The following RBFOX3 variants were observed in gnomAD, a reference collection of about 807,000 sequenced individuals.
RBFOX3 encodes the protein RNA binding fox-1 homolog 3, also known as RNA binding protein fox-1 homolog 3.
Under a neutral mutation model 48.7 loss-of-function variants are expected in RBFOX3, and 17 were observed. The observed-to-expected ratio is 0.35, with a 90% confidence interval of 0.24 to 0.52. RBFOX3 has a LOEUF of 0.52. Among genes scored for constraint, RBFOX3 ranks in the 20% least tolerant of loss-of-function variants. The probability of loss-of-function intolerance (pLI) is 0.94; values close to 1 mark genes in which losing one functional copy is unlikely to be tolerated. For missense variants in RBFOX3, 382 were observed against 497.5 expected, an observed-to-expected ratio of 0.77 and a Z score of 2.21; for synonymous variants, 212 against 209.5, an observed-to-expected ratio of 1.01 and a Z score of -0.10.
At chr17:79,317,048 A>G (rs2077633133) in intron 2 of RBFOX3, among the ~76,000 whole-genome samples, 2 of 152,284 alleles carry the variant, frequency 1.3e-5, no homozygotes, top group East Asian at 3.9e-4. Flanking sequence ...CAAAGAAAGG[A>G]GCTGACCCTC....
At chr17:79,349,311 G>T (rs1049354064) in intron 2 of RBFOX3, among the ~76,000 whole-genome samples, 9 of 151,864 alleles carry the variant, frequency 5.9e-5, no homozygotes, top group African/African-American at 2.2e-4. Flanking sequence ...CTCACCACTC[G>T]CACTCCTCTG....
chr17:79,286,186 G>A (rs2071831812), intron 3 of RBFOX3, among the ~76,000 whole-genome samples: 1 of 152,176 alleles, frequency 6.6e-6, no homozygotes, highest in South Asian at 2.1e-4. Context: ...GACGTCATGT[G>A]GCTGCCTTGA....
rs541996557 is a variant in RBFOX3 at position 79,267,853 on chromosome 17, G to A, written c.-73-32048C>T. ...GGCGTGTCAACTGGCAAGGTAGAAG[G>A]AGGAGGAGCTAGGAACGCGCAAGGC... is the stretch of plus-strand genomic sequence containing the variant. On this transcript the variant is annotated intron_variant, in intron 3 of 14. Coordinates refer to ENST00000693108, the MANE Select transcript of RBFOX3 (RefSeq NM_001350451.2). 3.3e-5 allele frequency among the ~76,000 whole-genome samples: 5 copies of A among 152,314 alleles called. No homozygotes were observed. In the South Asian group the frequency reaches 1.0e-3, roughly 32 times the overall value.
At chr17:79,611,130 T>TCCC (rs1491548376), upstream of RBFOX3, among the ~76,000 whole-genome samples, 8 of 37,816 alleles carry the variant, frequency 2.1e-4, 1 homozygote, top group Admixed American at 9.8e-4. Flanking sequence ...TCCGCCCTCC[T>TCCC]TCTCTCTCTC....
intron 4 of RBFOX3, among the ~76,000 whole-genome samples, chr17:79,219,781 T>C (rs1430425626): frequency 6.6e-6 from 1 of 151,690 alleles, no homozygotes; most frequent in East Asian, 1.9e-4. Context: ...CTGATTTTGT[T>C]TGGGAAGCGG....
chr17:79,101,490 C>G, intron 9 of RBFOX3, 94 bp downstream of exon 9: 1 of 1,134,564 alleles, frequency 8.8e-7, no homozygotes, highest in Admixed American at 2.0e-5. Context: ...TGCCTAGGAT[C>G]CAGGAAGGTC....
At chr17:79,281,781 C>T (rs1192486706) in intron 3 of RBFOX3, among the ~76,000 whole-genome samples, 1 of 152,214 alleles carries the variant, frequency 6.6e-6, no homozygotes, top group Non-Finnish European at 1.5e-5. Flanking sequence ...AATAAGTAGC[C>T]TTGAGGTTTT....
At chr17:79,496,113 A>C (rs2081496927) in intron 1 of RBFOX3, among the ~76,000 whole-genome samples, 1 of 152,060 alleles carries the variant, frequency 6.6e-6, no homozygotes, top group Non-Finnish European at 1.5e-5. Context: ...GGAGAGAGTC[A>C]GAGTTGGGGA....
intron 4 of RBFOX3, among the ~76,000 whole-genome samples, chr17:79,130,523 T>A (rs1301410523): frequency 1.3e-5 from 2 of 152,216 alleles, no homozygotes; most frequent in African/African-American, 4.8e-5. Flanking sequence ...GTCCCCACCC[T>A]CTTTCTCTCC....
At chr17:79,620,534 C>T in the RBFOX3 span, among the ~76,000 whole-genome samples, 1 of 151,446 alleles carries the variant, frequency 6.6e-6, no homozygotes. Context: ...CATACGCGCA[C>T]ATGCACACAC....
At chr17:79,531,894 G>A (rs1031942262) in intron 1 of RBFOX3, among the ~76,000 whole-genome samples, 2 of 152,194 alleles carry the variant, frequency 1.3e-5, no homozygotes, top group African/African-American at 2.4e-5. Context: ...CCGCCAGGCC[G>A]CTGACCACCC....
chr17:79,597,375 T>G (rs1270450068), intron 1 of RBFOX3, among the ~76,000 whole-genome samples: 1 of 152,020 alleles, frequency 6.6e-6, no homozygotes, highest in Non-Finnish European at 1.5e-5. Flanking sequence ...CCTACAGACT[T>G]GTAGAAGGGC....
intron 3 of RBFOX3, among the ~76,000 whole-genome samples, chr17:79,289,752 C>A (rs1328725722): frequency 1.3e-5 from 2 of 152,244 alleles, no homozygotes; most frequent in Admixed American, 6.5e-5. Context: ...CGTATTTTAT[C>A]TTTATGTGTC....
intron 2 of RBFOX3, among the ~76,000 whole-genome samples, chr17:79,373,386 G>A (rs1029376833): frequency 5.9e-5 from 9 of 152,332 alleles, no homozygotes; most frequent in Admixed American, 2.6e-4. Flanking sequence ...CAGGCACTCG[G>A]GCTGGGCGTG....
intron 13 of RBFOX3, among the ~76,000 whole-genome samples, 197 bp from the exon 14 acceptor site, chr17:79,094,726 A>T (rs1356447993): frequency 7.0e-6 from 1 of 142,654 alleles, no homozygotes; most frequent in Non-Finnish European, 1.5e-5. Flanking sequence ...CTTCTGGAAC[A>T]CAACAGGCAA....
At chr17:79,246,500 G>A (rs1318721947) in intron 3 of RBFOX3, among the ~76,000 whole-genome samples, 5 of 152,208 alleles carry the variant, frequency 3.3e-5, no homozygotes, top group Non-Finnish European at 5.9e-5. Context: ...CGGAGCTGGC[G>A]CTGCACGCCA....
rs997962709 is a variant in RBFOX3 at position 79,364,235 on chromosome 17, T to C, written c.-174-56411A>G. Among the ~76,000 whole-genome samples, 3 of 152,216 alleles carry C rather than the reference T, an allele frequency of 2.0e-5. No individual in the cohort carries two copies. The highest frequency in any genetic ancestry group is 4.4e-5 in the Non-Finnish European group (3 of 68,042). On this transcript the variant is annotated intron_variant, in intron 2 of 14. Transcript: ENST00000693108. The surrounding 1 kb of genome is among the most constrained non-coding windows in gnomAD (Gnocchi z 5.1). The stretch of plus-strand genomic sequence containing the variant: ...TGCCCAGAGTAGGTCTGGCACAAAG[T>C]GAGCAGAGATGGTAGCCATCAGTTG...
At chr17:79,313,013 T>G (rs1242996987) in intron 2 of RBFOX3, among the ~76,000 whole-genome samples, 2 of 152,120 alleles carry the variant, frequency 1.3e-5, no homozygotes, top group East Asian at 3.9e-4. Flanking sequence ...GAGAGTCTAC[T>G]CCAAGGCATA....
chr17:79,218,229 T>G (rs1245847995), intron 4 of RBFOX3, among the ~76,000 whole-genome samples: 2 of 151,478 alleles, frequency 1.3e-5, no homozygotes, highest in East Asian at 2.0e-4. Flanking sequence ...CTGGTGGGGT[T>G]CGGACTTGGG....
Sources: allele counts gnomAD v4.1 joint callset (sites outside exome capture counted in the v4.1 genomes callset), GRCh38; gene constraint gnomAD v4.1.1; non-coding constraint Gnocchi (gnomAD v3.1); transcripts MANE v1.5; gene names NCBI Gene and HGNC (gene_info 2026-07-23, HGNC 2026-07-21).